The following ZNF429 variants were observed in gnomAD, a reference collection of about 807,000 sequenced individuals.
ZNF429 encodes the protein zinc finger protein 429.
ZNF429 carries 53 observed loss-of-function variants against 56.8 expected under a neutral mutation model. The observed-to-expected ratio is 0.93, with a 90% CI of 0.75 to 1.17. ZNF429 has a LOEUF of 1.17. Among genes scored for constraint, ZNF429 ranks in the 50% most tolerant of loss-of-function variants. The probability of loss-of-function intolerance (pLI) is 0.00; values close to 1 mark genes in which losing one functional copy is unlikely to be tolerated. For synonymous variants in ZNF429, 278 were observed against 264.7 expected (o/e 1.05, Z -0.49); for missense variants, 849 against 788.4 (o/e 1.08, Z -0.92).
intron 1 of ZNF429, 141 bp from the exon 2 acceptor site, chr19:21,529,513 ATTTC>A: frequency 8.6e-7 from 1 of 1,161,736 alleles, no homozygotes; most frequent in Non-Finnish European, 1.1e-6. Flanking sequence ...TTATTGAATA[ATTTC>A]AGTCACTTGT....
At chr19:21,525,236 AT>A (rs2033121063) in intron 1 of ZNF429, among the ~76,000 whole-genome samples, 1 of 152,152 alleles carries the variant, frequency 6.6e-6, no homozygotes, top group Admixed American at 6.6e-5. Flanking sequence ...AAGAATATAT[AT>A]TTATCTTCTA....
intron 1 of ZNF429, among the ~76,000 whole-genome samples, chr19:21,527,015 TAA>T (rs574370699): frequency 1.3e-5 from 2 of 152,200 alleles, no homozygotes; most frequent in South Asian, 2.1e-4. Context: ...CTGTAAACTT[TAA>T]AGAGTCAGCA....
chr19:21,537,659 C>G lies in ZNF429; in HGVS notation c.1606C>G (p.Pro536Ala). ...QHKKIHTGEK[P>A]YKCEECGKAF... ...TAAGAAAATTCATACTGGAGAGAAACCTTACAAATGTGAAGAATGTGGCAA... is the reference window on the plus strand; with the variant it reads ...TAAGAAAATTCATACTGGAGAGAAAGCTTACAAATGTGAAGAATGTGGCAA... The change falls in exon 4 of 4, where the codon CCT (proline) becomes GCT (alanine). Residue 536 changes from proline (P) to alanine (A), a missense_variant. Transcript: ENST00000358491. 6.2e-7 allele frequency: 1 copy of G among 1,613,368 alleles called. No individual in the cohort carries two copies. Among genetic ancestry groups the G allele is most frequent in the African/African-American group, 1.3e-5 (1 of 74,936 alleles).
At chr19:21,519,884 G>A (rs2032925930) in intron 1 of ZNF429, among the ~76,000 whole-genome samples, 1 of 135,400 alleles carries the variant, frequency 7.4e-6, no homozygotes, top group Non-Finnish European at 1.6e-5. Flanking sequence ...TTTTTTTTGA[G>A]ACAGTTTCAC....
At chr19:21,534,792 G>T in intron 3 of ZNF429, among the ~76,000 whole-genome samples, 4 of 143,804 alleles carry the variant, frequency 2.8e-5, no homozygotes, top group African/African-American at 1.0e-4. Context: ...TGTTTTTTGT[G>T]TTTTTTTTTT....
intron 1 of ZNF429, among the ~76,000 whole-genome samples, chr19:21,527,523 G>T (rs551659612): frequency 3.9e-5 from 6 of 152,194 alleles, no homozygotes; most frequent in Middle Eastern, 6.8e-3. Flanking sequence ...TGGTTACAGG[G>T]CCTGTTCTGT....
chr19:21,531,121 A>AAAAAAAC, intron 3 of ZNF429, among the ~76,000 whole-genome samples: 1 of 104,888 alleles, frequency 9.5e-6, no homozygotes, highest in African/African-American at 3.7e-5. Context: ...AAAAAAAAAA[A>AAAAAAAC]AAAAAAAACC....
chr19:21,535,150 G>A, intron 3 of ZNF429, among the ~76,000 whole-genome samples: 1 of 142,392 alleles, frequency 7.0e-6, no homozygotes, highest in East Asian at 2.0e-4. Flanking sequence ...TTAAAGAAGT[G>A]TATTCATGTA....
chr19:21,519,867 T>TTA (rs1555743175), intron 1 of ZNF429, among the ~76,000 whole-genome samples: 1 of 9,210 alleles, frequency 1.1e-4, no homozygotes, highest in African/African-American at 5.1e-4. Context: ...CACCCATGAA[T>TTA]TTTTTTTTTT....
chr19:21,527,805 A>G (rs2033223184), intron 1 of ZNF429, among the ~76,000 whole-genome samples: 2 of 152,182 alleles, frequency 1.3e-5, no homozygotes, highest in Middle Eastern at 3.4e-3. Flanking sequence ...TGCAGGTGTG[A>G]TTTGTTTGGA....
At chr19:21,507,411 A>G (rs925969444) in intron 1 of ZNF429, 10 of 152,240 alleles carry the variant, frequency 6.6e-5, no homozygotes, top group African/African-American at 2.4e-4. Context: ...ACATTTAAAA[A>G]GATTTGTTTT....
chr19:21,519,641 A>T (rs1433144682), intron 1 of ZNF429, among the ~76,000 whole-genome samples: 1 of 152,174 alleles, frequency 6.6e-6, no homozygotes, highest in African/African-American at 2.4e-5. Context: ...TGTAAAAGTT[A>T]AATGCTGTCT....
intron 3 of ZNF429, among the ~76,000 whole-genome samples, chr19:21,531,326 G>C: frequency 6.6e-6 from 1 of 151,778 alleles, no homozygotes; most frequent in Admixed American, 6.6e-5. Context: ...AAATCCATAG[G>C]GCATCTCAGC....
intron 1 of ZNF429, among the ~76,000 whole-genome samples, chr19:21,506,967 C>A (rs2032204724): frequency 6.6e-6 from 1 of 151,924 alleles, no homozygotes; most frequent in Admixed American, 6.6e-5. Flanking sequence ...GGGGTTTCTC[C>A]GTGTTGGTCA....
Position 21,537,059 on chromosome 19 carries a change from A to G in ZNF429, c.1006A>G (p.Thr336Ala), listed in dbSNP as rs748627952. The G allele has an allele frequency of 3.7e-6, 6 of 1,613,866 alleles. 1 individual carries two copies. The Admixed American group carries it at 1.0e-4, about 27-fold the overall frequency. ...CCTTACTAGCCATAAGAGAATACAT[A>G]CTGGTGAGAAACCCTACAAATGTGA... The part of the protein sequence containing the change: ...STLTSHKRIH[T>A]GEKPYKCEEC... The change falls in exon 4 of 4, where the codon ACT (threonine) becomes GCT (alanine). Residue 336 changes from threonine (T) to alanine (A), a missense_variant. Coordinates refer to ENST00000358491, the MANE Select transcript of ZNF429 (RefSeq NM_001001415.4).
rs1011047195 is a variant in ZNF429 at position 21,529,397 on chromosome 19, T to G, written c.4-261T>G. Reference sequence around the variant, plus strand: ...TGTTCATGCCCTTAATTTTATACTTTATCACTTAGAAAAATGTCATGTGTA... The same window carrying G: ...TGTTCATGCCCTTAATTTTATACTTGATCACTTAGAAAAATGTCATGTGTA... On this transcript the variant is annotated intron_variant, in intron 1 of 3. Transcript: ENST00000358491. 1.3e-5 allele frequency: 8 copies of G among 600,162 alleles called. No homozygotes were observed. In the African/African-American group the frequency reaches 1.4e-4, roughly 11 times the overall value. 37.2% of individuals were successfully genotyped at this position (600,162 alleles called of 1,614,324 possible). A position where few individuals can be genotyped will look rare whatever the true frequency, so the allele number is the denominator to read the frequency against.
At chr19:21,534,848 C>T in intron 3 of ZNF429, among the ~76,000 whole-genome samples, 9 of 146,708 alleles carry the variant, frequency 6.1e-5, no homozygotes, top group African/African-American at 2.3e-4. Flanking sequence ...ATCGCTCTGT[C>T]GCCCAGGCTG....
chr19:21,511,415 G>C (rs894140737), intron 1 of ZNF429, among the ~76,000 whole-genome samples: 5 of 152,018 alleles, frequency 3.3e-5, no homozygotes, highest in African/African-American at 4.8e-5. Flanking sequence ...CGGCCGGGCA[G>C]AGGCGCTCCT....
Position 21,536,279 on chromosome 19 carries a change from G to A in ZNF429, c.227-1G>A, listed in dbSNP as rs776170458. 6.4e-6 allele frequency: 10 copies of A among 1,556,854 alleles called. No homozygotes were observed. Among genetic ancestry groups the A allele is most frequent in the Non-Finnish European group, 8.6e-6 (10 of 1,156,142 alleles). Reference sequence around the variant, plus strand: ...AATTTGTTGTTTTAATTTTATTTTAGTTGTGTGTTCTCATTTTGCTGAAGA... The same window carrying A: ...AATTTGTTGTTTTAATTTTATTTTAATTGTGTGTTCTCATTTTGCTGAAGA... On this transcript the variant is annotated splice_acceptor_variant, in intron 3 of 3. Transcript: ENST00000358491. LOFTEE classifies it high-confidence loss of function.
Sources: gnomAD v4.1 joint callset for allele counts (sites outside exome capture counted in the v4.1 genomes callset) on GRCh38, gnomAD v4.1.1 for gene constraint, MANE v1.5 for transcripts, NCBI Gene and HGNC (gene_info 2026-07-23, HGNC 2026-07-21) for gene names.